ERI1: variants seen among roughly 807,000 people sequenced by gnomAD.
The protein encoded by ERI1 is 3'-5' exoribonuclease 1.
In ERI1, 39 loss-of-function variants were observed where a neutral mutation model predicts 39.7. That is an observed-to-expected ratio of 0.98 (90% CI 0.76 to 1.28). The LOEUF (loss-of-function observed/expected upper bound fraction) is 1.28, where lower values mean the gene tolerates loss of function less well. Among genes scored for constraint, ERI1 ranks in the 50% most tolerant of loss-of-function variants. The pLI is 0.00. For missense variants in ERI1, 581 were observed against 416.9 expected, an observed-to-expected ratio of 1.39 and a Z score of -3.43; for synonymous variants, 204 against 149.6, an observed-to-expected ratio of 1.36 and a Z score of -2.65.
chr8:9,006,262 T>C (rs1816011692), intron 1 of ERI1, among the ~76,000 whole-genome samples: 1 of 152,216 alleles, frequency 6.6e-6, no homozygotes, highest in Non-Finnish European at 1.5e-5. Context: ...CGGCTGTCTC[T>C]AGAACTTCAC....
intron 3 of ERI1, among the ~76,000 whole-genome samples, chr8:9,076,328 G>T (rs149851109): frequency 6.6e-6 from 1 of 152,050 alleles, no homozygotes; most frequent in Non-Finnish European, 1.5e-5. Context: ...CAGAAGAGAG[G>T]GTATAAATTA....
chr8:9,078,233 A>G (rs1799266813), intron 3 of ERI1, among the ~76,000 whole-genome samples: 1 of 151,544 alleles, frequency 6.6e-6, no homozygotes, highest in African/African-American at 2.4e-5. Context: ...CAAGCAATCC[A>G]CCCACTTTGG....
At chr8:9,022,259 T>C (rs1273926868) in intron 6 of ERI1, among the ~76,000 whole-genome samples, 1 of 152,208 alleles carries the variant, frequency 6.6e-6, no homozygotes, top group African/African-American at 2.4e-5. Context: ...GAACCCCTTA[T>C]TTAAATTTCT....
At chr8:9,091,465 A>G (rs1220982381) in intron 3 of ERI1, 1 of 152,010 alleles carries the variant, frequency 6.6e-6, no homozygotes, top group Non-Finnish European at 1.5e-5. Context: ...AGGAGGTTGC[A>G]TCATAGCACT....
intron 3 of ERI1, among the ~76,000 whole-genome samples, chr8:9,068,143 T>A (rs1323538999): frequency 6.6e-6 from 1 of 152,192 alleles, no homozygotes; most frequent in Non-Finnish European, 1.5e-5. Flanking sequence ...TTAATTAACT[T>A]CTTTTTAAAT....
chr8:9,016,505 A>G (rs1010493712), intron 4 of ERI1, 100 bp downstream of exon 4: 56 of 533,608 alleles, frequency 1.0e-4, no homozygotes, highest in African/African-American at 2.4e-4. Context: ...GTTGTGAACA[A>G]TTTAATACCT....
chr8:9,078,020 C>T (rs150370388), intron 3 of ERI1, among the ~76,000 whole-genome samples: 86 of 152,250 alleles, frequency 5.6e-4, no homozygotes, highest in African/African-American at 1.9e-3. Context: ...GACAGAGTCT[C>T]GCTTTGTCAG....
intron 3 of ERI1, among the ~76,000 whole-genome samples, chr8:9,038,663 G>C (rs1333898450): frequency 2.0e-5 from 3 of 152,158 alleles, no homozygotes; most frequent in African/African-American, 7.2e-5. Context: ...GGGCTGACTT[G>C]GGAGGATTGC....
intron 6 of ERI1, among the ~76,000 whole-genome samples, chr8:9,029,510 A>T (rs1279523442): frequency 2.6e-5 from 4 of 151,756 alleles, no homozygotes; most frequent in Non-Finnish European, 5.9e-5. Context: ...TTTGTATTTT[A>T]AGAAGAGATG....
intron 2 of ERI1, among the ~76,000 whole-genome samples, chr8:9,010,230 A>G (rs1294383630): frequency 1.3e-5 from 2 of 152,208 alleles, no homozygotes; most frequent in African/African-American, 2.4e-5. Flanking sequence ...AACTAGTTGT[A>G]TGTTTGTCCT....
chr8:9,070,874 G>A (rs1563371639), intron 3 of ERI1, among the ~76,000 whole-genome samples: 1 of 152,234 alleles, frequency 6.6e-6, no homozygotes, highest in Non-Finnish European at 1.5e-5. Flanking sequence ...TGCAGCCCAT[G>A]TGTGCAGGGC....
chr8:9,077,800 C>G (rs1446791331), intron 3 of ERI1, among the ~76,000 whole-genome samples: 2 of 152,208 alleles, frequency 1.3e-5, no homozygotes, highest in African/African-American at 4.8e-5. Flanking sequence ...GAAAGCTCTT[C>G]TCTGCGTTTG....
At chr8:9,041,011 G>C (rs894961959) in intron 3 of ERI1, among the ~76,000 whole-genome samples, 6 of 152,202 alleles carry the variant, frequency 3.9e-5, no homozygotes, top group Non-Finnish European at 7.3e-5. Flanking sequence ...AGCGTAATGA[G>C]ACCGTTTTCA....
At position 9,030,526 on chromosome 8, in the gene ERI1, C is replaced by A. The variant is rs1187223239; in HGVS notation, c.*492C>A. ...TTTCAAAGTTTATATGTGAAGTTCA[C>A]CATGTATGTGGTGAATTTCGTAAGG... On this transcript the variant is annotated 3_prime_UTR_variant, in exon 7 of 7. Coordinates refer to ENST00000250263, the MANE Select transcript of ERI1 (RefSeq NM_153332.4). 6.3e-6 allele frequency: 1 copy of A among 158,780 alleles called. No homozygotes were observed. Among genetic ancestry groups the A allele is most frequent in the Non-Finnish European group, 1.4e-5 (1 of 71,068 alleles). The allele number at this position is 158,780 out of a possible 1,614,324, so 9.8% of individuals were successfully genotyped here.
At chr8:9,056,541 C>A in intron 3 of ERI1, among the ~76,000 whole-genome samples, 1 of 152,286 alleles carries the variant, frequency 6.6e-6, no homozygotes, top group African/African-American at 2.4e-5. Flanking sequence ...GATGTTTCCA[C>A]ATTTAAGGTA....
intron 3 of ERI1, among the ~76,000 whole-genome samples, chr8:9,069,038 C>T (rs146409992): frequency 3.3e-5 from 5 of 152,224 alleles, no homozygotes; most frequent in African/African-American, 7.2e-5. Flanking sequence ...AGGCTGGTCT[C>T]GAACTCCTGG....
intron 3 of ERI1, among the ~76,000 whole-genome samples, chr8:9,070,843 C>A (rs1467650687): frequency 2.0e-5 from 3 of 152,216 alleles, no homozygotes; most frequent in Non-Finnish European, 2.9e-5. Flanking sequence ...AGTTTGAAAT[C>A]TCCTTTTTCC....
rs1025697980 is a variant in ERI1 at position 9,029,833 on chromosome 8, A to G, written c.849A>G (p.Lys283=). The G allele has an allele frequency of 1.1e-5, 18 of 1,614,082 alleles. No individual in the cohort carries two copies. The African/African-American group carries it at 1.2e-4, about 11-fold the overall frequency. ...CCAAACTGACAATAATGCTTGAAAA[A>G]TTAGGAATGGATTATGATGGGCGGC... ...SQTKLTIMLE[K]LGMDYDGRPH... Residue 283 remains lysine, a synonymous_variant, in exon 7 of 7, where the codon AAA becomes AAG. Coordinates refer to ENST00000250263, the MANE Select transcript of ERI1 (RefSeq NM_153332.4).
At chr8:9,003,453 C>G (rs1472866571) in intron 1 of ERI1, among the ~76,000 whole-genome samples, 1 of 152,206 alleles carries the variant, frequency 6.6e-6, no homozygotes, top group South Asian at 2.1e-4. Flanking sequence ...AAACTTAATT[C>G]TGTGTTCACG....
Sources: allele counts gnomAD v4.1 joint callset (sites outside exome capture counted in the v4.1 genomes callset), GRCh38; gene constraint gnomAD v4.1.1; transcripts MANE v1.5; gene names NCBI Gene and HGNC (gene_info 2026-07-23, HGNC 2026-07-21).